NETO1: variants seen among roughly 807,000 people sequenced by gnomAD.
NETO1 encodes neuropilin and tolloid-like protein 1.
A neutral mutation model predicts 61.3 loss-of-function variants in NETO1; 26 were observed. The ratio of observed to expected loss-of-function variants is 0.42; its 90% CI spans 0.31 to 0.59. NETO1 has a LOEUF of 0.59. Among genes scored for constraint, NETO1 ranks in the 20% least tolerant of loss-of-function variants. The pLI is 0.12. For missense variants in NETO1, 531 were observed against 662.8 expected (o/e 0.80, Z 2.18); for synonymous variants, 225 against 225.8 (o/e 1.00, Z 0.03).
At chr18:72,855,345 C>T (rs1490649173) in intron 4 of NETO1, among the ~76,000 whole-genome samples, 1 of 152,202 alleles carries the variant, frequency 6.6e-6, no homozygotes, top group Non-Finnish European at 1.5e-5. Flanking sequence ...TCCTTGATTA[C>T]TGCTCAATCT....
intron 3 of NETO1, among the ~76,000 whole-genome samples, chr18:72,860,590 A>T (rs1379849358): frequency 6.6e-6 from 1 of 152,224 alleles, no homozygotes. Context: ...TTTCTAAAAA[A>T]GTTTCAGACT....
At chr18:72,860,762 T>A (rs2074547747) in intron 3 of NETO1, among the ~76,000 whole-genome samples, 1 of 151,880 alleles carries the variant, frequency 6.6e-6, no homozygotes, top group African/African-American at 2.4e-5. Flanking sequence ...TTTGGAAATT[T>A]GAAAGTACCC....
rs28782798 is a variant in NETO1 at position 72,802,796 on chromosome 18, G to A, written c.470-8392C>T. ...TAATTCACTGCCATGCAATTGCACA[G>A]CAGGAAAATAAAAAAGAATTTTACT... On this transcript the variant is annotated intron_variant, in intron 4 of 10. Coordinates refer to ENST00000327305, the MANE Select transcript of NETO1 (RefSeq NM_138966.5). 9.2e-4 allele frequency among the ~76,000 whole-genome samples: 140 copies of A among 152,256 alleles called. 1 individual carries two copies. Among genetic ancestry groups the A allele is most frequent in the African/African-American group, 3.1e-3 (128 of 41,542 alleles).
chr18:72,831,657 C>T (rs2073582710), intron 4 of NETO1, among the ~76,000 whole-genome samples: 3 of 152,296 alleles, frequency 2.0e-5, no homozygotes, highest in South Asian at 4.1e-4. Context: ...ATTTTCGTAT[C>T]TAAAATATTT....
intron 3 of NETO1, among the ~76,000 whole-genome samples, chr18:72,862,619 T>C (rs1008104584): frequency 1.1e-4 from 13 of 113,246 alleles, no homozygotes; most frequent in African/African-American, 2.9e-4. Context: ...ATCCTTTTTT[T>C]TTCTTTTTTT....
intron 4 of NETO1, among the ~76,000 whole-genome samples, chr18:72,815,625 A>G (rs565392877): frequency 8.5e-5 from 13 of 152,338 alleles, no homozygotes; most frequent in Middle Eastern, 3.4e-3. Flanking sequence ...AGCCAACAAA[A>G]CAGAAAAGGA....
intron 7 of NETO1, among the ~76,000 whole-genome samples, chr18:72,772,855 A>C (rs536349723): frequency 0.041 from 3,285 of 80,370 alleles, 179 homozygotes; most frequent in Middle Eastern, 0.06. Context: ...ATATATATAT[A>C]TATATATATA....
At chr18:72,860,314 G>A (rs768249333) in intron 3 of NETO1, among the ~76,000 whole-genome samples, 36 of 152,108 alleles carry the variant, frequency 2.4e-4, no homozygotes, top group Non-Finnish European at 4.6e-4. Context: ...CTCCCTCTAC[G>A]GTCAGCAACT....
chr18:72,801,113 T>C (rs2072491135), intron 4 of NETO1, among the ~76,000 whole-genome samples: 1 of 152,172 alleles, frequency 6.6e-6, no homozygotes, highest in South Asian at 2.1e-4. Context: ...CTTACAATCT[T>C]CTTTAAAAAA....
chr18:72,825,078 T>A (rs575034566), intron 4 of NETO1, among the ~76,000 whole-genome samples: 1 of 152,146 alleles, frequency 6.6e-6, no homozygotes, highest in African/African-American at 2.4e-5. Flanking sequence ...ACAGAGGATA[T>A]AAAATAAACT....
chr18:72,864,726 T>G, intron 3 of NETO1, 82 bp downstream of exon 3: 1 of 1,556,736 alleles, frequency 6.4e-7, no homozygotes, highest in Non-Finnish European at 8.8e-7. Flanking sequence ...GTAATGCCTA[T>G]ACGCATATTC....
intron 4 of NETO1, 36 bp downstream of exon 4, chr18:72,858,790 A>G: frequency 6.4e-7 from 1 of 1,554,370 alleles, no homozygotes; most frequent in Middle Eastern, 2.1e-4. Context: ...AAAAATGAGG[A>G]AGAAAAAGAA....
intron 1 of NETO1, among the ~76,000 whole-genome samples, chr18:72,866,531 CTGT>C (rs1323451110): frequency 6.6e-6 from 1 of 152,144 alleles, no homozygotes; most frequent in East Asian, 1.9e-4. Context: ...TCCGCTCTTC[CTGT>C]TTTGATGAAA....
At chr18:72,836,160 G>T (rs1479089014) in intron 4 of NETO1, among the ~76,000 whole-genome samples, 1 of 152,130 alleles carries the variant, frequency 6.6e-6, no homozygotes, top group African/African-American at 2.4e-5. Flanking sequence ...GAGCCCAGAC[G>T]TGCCCTGCTG....
At chr18:72,844,588 G>A (rs962463627) in intron 4 of NETO1, among the ~76,000 whole-genome samples, 2 of 152,132 alleles carry the variant, frequency 1.3e-5, no homozygotes, top group Admixed American at 6.5e-5. Context: ...TACCAGATAC[G>A]CATGAACAGA....
intron 7 of NETO1, among the ~76,000 whole-genome samples, chr18:72,769,219 G>T (rs36010219): frequency 6.6e-6 from 1 of 152,076 alleles, no homozygotes; most frequent in African/African-American, 2.4e-5. Flanking sequence ...AAGGGTGTAC[G>T]CACTCATATC....
chr18:72,791,159 C>T (rs973038668), intron 6 of NETO1, among the ~76,000 whole-genome samples: 1 of 152,170 alleles, frequency 6.6e-6, no homozygotes, highest in Middle Eastern at 3.4e-3. Flanking sequence ...TTAAAGGGGA[C>T]CATCTAGATT....
intron 7 of NETO1, among the ~76,000 whole-genome samples, chr18:72,760,893 A>G (rs2070948901): frequency 6.6e-6 from 1 of 152,162 alleles, no homozygotes; most frequent in Admixed American, 6.5e-5. Flanking sequence ...TATAATGGGG[A>G]TAATTATAAC....
At chr18:72,855,404 C>G (rs1404050623) in intron 4 of NETO1, among the ~76,000 whole-genome samples, 2 of 152,188 alleles carry the variant, frequency 1.3e-5, no homozygotes, top group African/African-American at 4.8e-5. Flanking sequence ...TGATTCACCG[C>G]TGCACTGTGG....
Sources: gnomAD v4.1 joint callset for allele counts (sites outside exome capture counted in the v4.1 genomes callset) on GRCh38, gnomAD v4.1.1 for gene constraint, MANE v1.5 for transcripts, NCBI Gene and HGNC (gene_info 2026-07-23, HGNC 2026-07-21) for gene names.